PDE4D: variants seen among roughly 807,000 people sequenced by gnomAD.
PDE4D encodes phosphodiesterase 4D.
A neutral mutation model predicts 87.4 loss-of-function variants in PDE4D; 24 were observed. The observed-to-expected ratio is 0.27, with a 90% CI of 0.20 to 0.39. The LOEUF (loss-of-function observed/expected upper bound fraction) is 0.39. PDE4D is among the 10% of genes least tolerant of loss of function. PDE4D has a pLI of 1.00. For synonymous variants in PDE4D, 384 were observed against 383.2 expected (o/e 1.00, Z -0.02); for missense variants, 714 against 1,041.0 (o/e 0.69, Z 4.32).
chr5:59,247,020 C>G (rs914898621), intron 1 of PDE4D, among the ~76,000 whole-genome samples: 4 of 152,164 alleles, frequency 2.6e-5, no homozygotes, highest in African/African-American at 9.6e-5. Flanking sequence ...CACATTCTGT[C>G]TGTAAACTAC....
chr5:59,642,119 G>T (rs1741685855), intron 1 of PDE4D, among the ~76,000 whole-genome samples: 1 of 151,910 alleles, frequency 6.6e-6, no homozygotes, highest in Non-Finnish European at 1.5e-5. Flanking sequence ...CATATAGAAT[G>T]ATTTCTTTTC....
chr5:60,126,324 TCAAG>T (rs1259181329), intron 2 of PDE4D, among the ~76,000 whole-genome samples: 1 of 152,120 alleles, frequency 6.6e-6, no homozygotes. Context: ...ACTCTAAATA[TCAAG>T]CAGAAAATAT....
At chr5:59,382,387 A>T (rs920850611) in intron 1 of PDE4D, among the ~76,000 whole-genome samples, 1 of 152,236 alleles carries the variant, frequency 6.6e-6, no homozygotes, top group South Asian at 2.1e-4. Context: ...TCTATTCCAC[A>T]AGCAAAAAAA....
At chr5:60,034,325 G>A (rs963065495) in intron 2 of PDE4D, among the ~76,000 whole-genome samples, 1 of 152,158 alleles carries the variant, frequency 6.6e-6, no homozygotes, top group Non-Finnish European at 1.5e-5. Flanking sequence ...GTCTTACAGA[G>A]CTAAGCTAAA....
intron 3 of PDE4D, among the ~76,000 whole-genome samples, chr5:59,190,338 CTTA>C (rs905099066): frequency 1.3e-5 from 2 of 151,998 alleles, no homozygotes; most frequent in Admixed American, 6.6e-5. Context: ...TTTTCTTTTT[CTTA>C]TTATTTTTCT....
intron 1 of PDE4D, among the ~76,000 whole-genome samples, chr5:59,702,348 G>T (rs770383167): frequency 2.6e-5 from 4 of 151,998 alleles, no homozygotes; most frequent in African/African-American, 9.7e-5. Flanking sequence ...GGATGGTCTC[G>T]ATCTCCTGAC....
intron 1 of PDE4D, among the ~76,000 whole-genome samples, chr5:59,737,411 A>G (rs1246544597): frequency 6.6e-6 from 1 of 152,114 alleles, no homozygotes; most frequent in African/African-American, 2.4e-5. Context: ...TTGCCTAGAA[A>G]TCAGCCATGA....
At chr5:59,784,225 C>T (rs1561656725) in intron 1 of PDE4D, among the ~76,000 whole-genome samples, 1 of 148,648 alleles carries the variant, frequency 6.7e-6, no homozygotes, top group African/African-American at 2.4e-5. Flanking sequence ...TCTCTGATTC[C>T]CAAAAGTAAC....
intron 3 of PDE4D, among the ~76,000 whole-genome samples, chr5:59,905,279 G>A (rs913604955): frequency 6.6e-6 from 1 of 152,134 alleles, no homozygotes; most frequent in African/African-American, 2.4e-5. Context: ...AATGCTTTGT[G>A]GAGCGTGGCA....
Position 59,553,976 on chromosome 5 carries a change from A to C in PDE4D, c.456-338008T>G, listed in dbSNP as rs528468272. 3.9e-5 allele frequency among the ~76,000 whole-genome samples: 6 copies of C among 152,268 alleles called. No homozygotes were observed. The South Asian group carries it at 1.2e-3, about 32-fold the overall frequency. On this transcript the variant is annotated intron_variant, in intron 1 of 14. Coordinates refer to ENST00000340635, the MANE Select transcript of PDE4D (RefSeq NM_001104631.2). ...CTATAGTTTTTTGAGCTCTGGCCAC[A>C]TACCTGGCATAATGCTAGATGTTAT... is the stretch of plus-strand genomic sequence containing the variant.
intron 2 of PDE4D, among the ~76,000 whole-genome samples, chr5:60,126,570 C>T (rs1779140749): frequency 6.6e-6 from 1 of 152,138 alleles, no homozygotes; most frequent in Non-Finnish European, 1.5e-5. Context: ...AAATAGCAAC[C>T]TTATGTGTCT....
intron 1 of PDE4D, among the ~76,000 whole-genome samples, chr5:60,234,902 C>T (rs1008519022): frequency 1.3e-5 from 2 of 151,742 alleles, no homozygotes; most frequent in South Asian, 4.1e-4. Context: ...AATTCTGCTA[C>T]TAGCCAGAAG....
chr5:59,055,318 A>T (rs1342273850), intron 5 of PDE4D, among the ~76,000 whole-genome samples: 1 of 152,140 alleles, frequency 6.6e-6, no homozygotes, highest in South Asian at 2.1e-4. Flanking sequence ...CTTGTATTAT[A>T]ATAATAATTA....
At chr5:60,129,060 TAC>T (rs1743153373) in intron 2 of PDE4D, among the ~76,000 whole-genome samples, 2 of 152,262 alleles carry the variant, frequency 1.3e-5, no homozygotes, top group African/African-American at 4.8e-5. Flanking sequence ...AATATTGTGT[TAC>T]AGTGATTTAA....
At chr5:59,757,278 C>T (rs986227465) in intron 1 of PDE4D, among the ~76,000 whole-genome samples, 4 of 152,118 alleles carry the variant, frequency 2.6e-5, no homozygotes, top group Admixed American at 1.3e-4. Flanking sequence ...CATTTGCTTA[C>T]GAAAACCAAA....
At chr5:59,932,935 G>T (rs1756133448) in intron 3 of PDE4D, among the ~76,000 whole-genome samples, 1 of 148,706 alleles carries the variant, frequency 6.7e-6, no homozygotes, top group South Asian at 2.2e-4. Flanking sequence ...CATCCCCAGG[G>T]AGCAGCTAAC....
At chr5:59,203,614 A>G (rs1414817661) in intron 2 of PDE4D, among the ~76,000 whole-genome samples, 2 of 148,342 alleles carry the variant, frequency 1.3e-5, no homozygotes, top group East Asian at 3.9e-4. Context: ...TGAATAAAGA[A>G]AATGTTATAT....
At chr5:60,030,511 T>C (rs1767136349) in intron 2 of PDE4D, among the ~76,000 whole-genome samples, 1 of 152,214 alleles carries the variant, frequency 6.6e-6, no homozygotes, top group South Asian at 2.1e-4. Context: ...CCATGATCAG[T>C]AGAGCTGAAA....
chr5:59,599,140 T>C (rs1827125678), intron 1 of PDE4D, among the ~76,000 whole-genome samples: 2 of 152,078 alleles, frequency 1.3e-5, no homozygotes, highest in African/African-American at 2.4e-5. Flanking sequence ...ATTGTCAAGG[T>C]AGTTAAAAAT....
Sources: gnomAD v4.1 joint callset for allele counts (sites outside exome capture counted in the v4.1 genomes callset) on GRCh38, gnomAD v4.1.1 for gene constraint, MANE v1.5 for transcripts, NCBI Gene and HGNC (gene_info 2026-07-23, HGNC 2026-07-21) for gene names.